Variants in SEPTIN9 observed in about 807,000 individuals in gnomAD.
The protein encoded by SEPTIN9 is septin 9.
SEPTIN9 carries 13 observed loss-of-function variants against 56.6 expected under a neutral mutation model. The observed-to-expected ratio is 0.23, with a 90% CI of 0.15 to 0.37. The LOEUF is 0.37. Among genes scored for constraint, SEPTIN9 ranks in the 10% least tolerant of loss-of-function variants. The pLI is 1.00. For synonymous variants in SEPTIN9, 332 were observed against 334.1 expected (o/e 0.99, Z 0.07); for missense variants, 650 against 823.1 (o/e 0.79, Z 2.57).
rs913265010 is a variant in SEPTIN9 at position 77,317,129 on chromosome 17, G to A, written c.76+9932G>A. Reference sequence around the variant, plus strand: ...GCTGAGCCCTGGCTCCGTCTGTGGCGCTGCATCAGTTTCCTGCAGCTGCTG... The same window carrying A: ...GCTGAGCCCTGGCTCCGTCTGTGGCACTGCATCAGTTTCCTGCAGCTGCTG... On this transcript the variant is annotated intron_variant, in intron 2 of 11. Transcript: ENST00000427177. This position sits in a 1 kb window ranked among gnomAD's most constrained non-coding sequence, Gnocchi z 4.2. Among the ~76,000 whole-genome samples the A allele has an allele frequency of 1.3e-5, 2 of 152,166 alleles. No individual in the cohort carries two copies. The highest frequency in any genetic ancestry group is 2.4e-5 in the African/African-American group (1 of 41,430).
At chr17:77,484,837 G>GAT (rs2039646660) in intron 4 of SEPTIN9, among the ~76,000 whole-genome samples, 1 of 104,944 alleles carries the variant, frequency 9.5e-6, no homozygotes, top group Non-Finnish European at 1.9e-5. Context: ...TGGCGATGGT[G>GAT]GTTGTGATGG....
chr17:77,309,848 G>A (rs1482074874), intron 2 of SEPTIN9, among the ~76,000 whole-genome samples: 1 of 152,240 alleles, frequency 6.6e-6, no homozygotes, highest in Non-Finnish European at 1.5e-5. Flanking sequence ...CATTGCAGGT[G>A]TAGCCGCAGC....
chr17:77,285,896 G>T (rs1218013968), intron 1 of SEPTIN9, among the ~76,000 whole-genome samples: 10 of 152,236 alleles, frequency 6.6e-5, no homozygotes, highest in African/African-American at 2.4e-4. Context: ...CGCCCCGGGA[G>T]CTGACTTACG....
intron 1 of SEPTIN9, among the ~76,000 whole-genome samples, chr17:77,305,375 A>T (rs1293157854): frequency 6.6e-6 from 1 of 151,918 alleles, no homozygotes; most frequent in Non-Finnish European, 1.5e-5. Flanking sequence ...GGTGAATCGG[A>T]GCTAAGGTAC....
chr17:77,341,194 A>T (rs906636251), intron 2 of SEPTIN9, among the ~76,000 whole-genome samples: 1 of 152,066 alleles, frequency 6.6e-6, no homozygotes, highest in Non-Finnish European at 1.5e-5. Context: ...TTGGCTTTCG[A>T]CACGCCTTCC....
At chr17:77,340,963 G>A (rs1460672080) in intron 2 of SEPTIN9, among the ~76,000 whole-genome samples, 5 of 152,212 alleles carry the variant, frequency 3.3e-5, no homozygotes, top group Non-Finnish European at 7.3e-5. Context: ...GAGAGTTAGG[G>A]CTTTGCCCTG....
intron 3 of SEPTIN9, among the ~76,000 whole-genome samples, chr17:77,418,328 G>T (rs1045426651): frequency 6.6e-6 from 1 of 152,150 alleles, no homozygotes; most frequent in African/African-American, 2.4e-5. Flanking sequence ...TCTGAGAGCC[G>T]CCTGGCCTCC....
chr17:77,403,437 C>T (rs919336882), intron 3 of SEPTIN9, among the ~76,000 whole-genome samples: 1 of 152,212 alleles, frequency 6.6e-6, no homozygotes, highest in African/African-American at 2.4e-5. Context: ...CCAGCAGCGT[C>T]CTGGGAGGGC....
chr17:77,368,104 G>A (rs11649986), intron 2 of SEPTIN9, among the ~76,000 whole-genome samples: 3,334 of 152,306 alleles, frequency 0.022, 58 homozygotes, highest in Non-Finnish European at 0.035. Context: ...CTTATGTGAA[G>A]TCAAATTCAT....
At chr17:77,288,406 C>T (rs949552571) in intron 1 of SEPTIN9, among the ~76,000 whole-genome samples, 9 of 152,338 alleles carry the variant, frequency 5.9e-5, no homozygotes, top group Admixed American at 1.3e-4. Context: ...GTTGGGGCAG[C>T]GGCTGAGATG....
chr17:77,283,818 G>T (rs1238795705), intron 1 of SEPTIN9, among the ~76,000 whole-genome samples: 1 of 152,212 alleles, frequency 6.6e-6, no homozygotes, highest in Non-Finnish European at 1.5e-5. Flanking sequence ...CACTTTATGT[G>T]CTGGGCACAC....
At chr17:77,342,965 A>G (rs2033779330) in intron 2 of SEPTIN9, among the ~76,000 whole-genome samples, 1 of 149,960 alleles carries the variant, frequency 6.7e-6, no homozygotes, top group African/African-American at 2.5e-5. Flanking sequence ...ACAGAGGGAG[A>G]CTCTGTCTCA....
chr17:77,352,504 C>T (rs908608957), intron 2 of SEPTIN9, among the ~76,000 whole-genome samples: 7 of 152,194 alleles, frequency 4.6e-5, no homozygotes, highest in African/African-American at 1.7e-4. Flanking sequence ...AAGGTTCATT[C>T]CTCCTGGGGG....
Position 77,450,899 on chromosome 17 carries a change from C to A in SEPTIN9, c.722-31245C>A. The A allele has an allele frequency of 1.3e-6, 1 of 762,186 alleles. No individual in the cohort carries two copies. The highest frequency in any genetic ancestry group is 1.6e-6 in the Non-Finnish European group (1 of 626,222). The allele number at this position is 762,186 out of a possible 1,614,324, so 47.2% of individuals were successfully genotyped here. On this transcript the variant is annotated intron_variant, in intron 3 of 11. Transcript: ENST00000427177. The surrounding 1 kb of genome is among the most constrained non-coding windows in gnomAD (Gnocchi z 6.0). Reference sequence around the variant, plus strand: ...ACAAACCCAGGTGGCTGTGTTCCAGCCCTGGCTGCAGGTCTGAATGGCTTT... The same window carrying A: ...ACAAACCCAGGTGGCTGTGTTCCAGACCTGGCTGCAGGTCTGAATGGCTTT...
At chr17:77,342,770 T>C (rs748048654) in intron 2 of SEPTIN9, among the ~76,000 whole-genome samples, 5 of 152,060 alleles carry the variant, frequency 3.3e-5, no homozygotes, top group Non-Finnish European at 7.4e-5. Flanking sequence ...CTCAGGAGTT[T>C]GAGACCAGCC....
chr17:77,295,439 A>G (rs571473820), intron 1 of SEPTIN9, among the ~76,000 whole-genome samples: 2 of 151,892 alleles, frequency 1.3e-5, no homozygotes, highest in South Asian at 2.1e-4. Context: ...ACAGAGGACC[A>G]CCTCTCCTGC....
In SEPTIN9 at chr17:77,492,129, G is replaced by A. The variant is rs945943214; in HGVS notation, c.1381-492G>A. On this transcript the variant is annotated intron_variant, in intron 8 of 11. Transcript: ENST00000427177. This position sits in a 1 kb window ranked among gnomAD's most constrained non-coding sequence, Gnocchi z 5.4. ...TCCACACAAAGTGGGTGTGTCTGCC[G>A]GAGGCTACACACGGGCTGTGGTCTG... Among the ~76,000 whole-genome samples the A allele has an allele frequency of 2.6e-5, 4 of 152,202 alleles. No homozygotes were observed. The highest frequency in any genetic ancestry group is 4.4e-5 in the Non-Finnish European group (3 of 68,038).
At chr17:77,348,292 A>ATTTT (rs2033947548) in intron 2 of SEPTIN9, among the ~76,000 whole-genome samples, 1 of 58,022 alleles carries the variant, frequency 1.7e-5, no homozygotes, top group African/African-American at 6.9e-5. Context: ...ATTTTAATTT[A>ATTTT]TGTTTTTTTT....
chr17:77,343,035 A>G (rs987283871), intron 2 of SEPTIN9, among the ~76,000 whole-genome samples: 1 of 145,364 alleles, frequency 6.9e-6, no homozygotes, highest in Non-Finnish European at 1.5e-5. Context: ...CTATCTATCT[A>G]TCTATCTAGT....
Sources: allele counts gnomAD v4.1 joint callset (sites outside exome capture counted in the v4.1 genomes callset), GRCh38; gene constraint gnomAD v4.1.1; non-coding constraint Gnocchi (gnomAD v3.1); transcripts MANE v1.5; gene names NCBI Gene and HGNC (gene_info 2026-07-23, HGNC 2026-07-21).